The following CNIH3 variants were observed in gnomAD, a reference collection of about 807,000 sequenced individuals.
CNIH3 encodes protein cornichon homolog 3.
In CNIH3, 14 loss-of-function variants were observed where a neutral mutation model predicts 24.1. That is an observed-to-expected ratio of 0.58 (90% CI 0.38 to 0.91). The LOEUF (loss-of-function observed/expected upper bound fraction) is 0.91. Among genes scored for constraint, CNIH3 ranks in the 40% least tolerant of loss-of-function variants. The pLI is 0.00. For missense variants in CNIH3, 178 were observed against 196.8 expected (o/e 0.90, Z 0.57); for synonymous variants, 68 against 73.8 (o/e 0.92, Z 0.40).
Position 224,622,849 on chromosome 1 carries a change from C to T in CNIH3, c.81+5594C>T, listed in dbSNP as rs181406231. 8.9e-4 allele frequency among the ~76,000 whole-genome samples: 135 copies of T among 152,332 alleles called. 2 individuals carry two copies. In the East Asian group the frequency reaches 0.023, roughly 26 times the overall value. The stretch of plus-strand genomic sequence containing the variant: ...CCTTCTGTATATCCACATGGCTCTG[C>T]GCTTTGCCCTCTGGACTTGTTTTCT... On this transcript the variant is annotated intron_variant, in intron 1 of 5. Coordinates refer to ENST00000272133, the MANE Select transcript of CNIH3 (RefSeq NM_152495.2).
At chr1:224,468,840 A>G (rs6684704) in intron 1 of CNIH3, among the ~76,000 whole-genome samples, 123,805 of 149,140 alleles carry the variant, frequency 0.83, 51,770 homozygotes, top group East Asian at 0.97. Flanking sequence ...AAAAAAAAAA[A>G]AAAGAAAGAA....
intron 1 of CNIH3, among the ~76,000 whole-genome samples, chr1:224,647,621 G>C (rs1321953259): frequency 6.6e-6 from 1 of 152,238 alleles, no homozygotes. Flanking sequence ...GGGCCCTGTG[G>C]AGAAAGTGAA....
At chr1:224,531,993 G>A (rs1282809642) in intron 2 of CNIH3, among the ~76,000 whole-genome samples, 4 of 152,124 alleles carry the variant, frequency 2.6e-5, no homozygotes, top group African/African-American at 9.7e-5. Context: ...TCCATTGTGG[G>A]GCCTGTATTC....
chr1:224,605,379 C>T (rs180984565), intron 3 of CNIH3, among the ~76,000 whole-genome samples: 2 of 152,224 alleles, frequency 1.3e-5, no homozygotes, highest in African/African-American at 4.8e-5. Flanking sequence ...TCTAGCCCCA[C>T]AGGCTGGCTG....
At chr1:224,731,051 G>T (rs1381614155) in intron 4 of CNIH3, among the ~76,000 whole-genome samples, 1 of 152,176 alleles carries the variant, frequency 6.6e-6, no homozygotes, top group Admixed American at 6.5e-5. Context: ...TCCAGGAAAG[G>T]CAAATCTATA....
chr1:224,681,008 G>A lies in CNIH3; in HGVS notation c.132G>A (p.Gln44=). ...CAGATTTTAAGAGCCCCATAGACCAGTGCAATCCTGTTCATGCGGTAAGTG... is the reference window on the plus strand; with the variant it reads ...CAGATTTTAAGAGCCCCATAGACCAATGCAATCCTGTTCATGCGGTAAGTG... ...LRTDFKSPID[Q]CNPVHARERL... is the part of the protein sequence containing the mutation. The change falls in exon 2 of 6, where the codon CAG becomes CAA. Residue 44 remains glutamine, a synonymous_variant. Coordinates refer to ENST00000272133, the MANE Select transcript of CNIH3 (RefSeq NM_152495.2). The A allele has an allele frequency of 6.2e-7, 1 of 1,614,104 alleles. No individual in the cohort carries two copies. Among genetic ancestry groups the A allele is most frequent in the Non-Finnish European group, 8.5e-7 (1 of 1,179,938 alleles).
chr1:224,666,910 C>T (rs538936662), intron 1 of CNIH3, among the ~76,000 whole-genome samples: 31 of 152,202 alleles, frequency 2.0e-4, no homozygotes, highest in Non-Finnish European at 3.5e-4. Flanking sequence ...CATATGCCTG[C>T]TGAGATTGTG....
intron 1 of CNIH3, among the ~76,000 whole-genome samples, chr1:224,680,339 A>T (rs900876530): frequency 6.6e-6 from 1 of 152,116 alleles, no homozygotes. Context: ...TCCTCCAGGG[A>T]TATCGGGAAA....
chr1:224,570,964 A>C (rs1227979916), intron 4 of CNIH3, among the ~76,000 whole-genome samples: 3 of 151,558 alleles, frequency 2.0e-5, no homozygotes, highest in African/African-American at 7.3e-5. Context: ...GAATTTCCAC[A>C]CTGTGAGCAA....
chr1:224,555,125 C>A (rs909293064), intron 3 of CNIH3, among the ~76,000 whole-genome samples: 3 of 152,088 alleles, frequency 2.0e-5, no homozygotes, highest in Non-Finnish European at 4.4e-5. Flanking sequence ...GTTCCCCCAA[C>A]CTTTTGAAGT....
downstream of CNIH3, among the ~76,000 whole-genome samples, chr1:224,540,473 C>T (rs1679471006): frequency 6.6e-6 from 1 of 152,122 alleles, no homozygotes; most frequent in East Asian, 1.9e-4. Context: ...AAGTTTCATT[C>T]ATTTAAAAAA....
chr1:224,636,669 C>T (rs1242867383), intron 1 of CNIH3, among the ~76,000 whole-genome samples: 1 of 152,182 alleles, frequency 6.6e-6, no homozygotes, highest in Non-Finnish European at 1.5e-5. Context: ...TTGATCTTTA[C>T]AGCTGTGTGT....
At chr1:224,438,722 C>A (rs1674771797) in intron 1 of CNIH3, among the ~76,000 whole-genome samples, 1 of 152,112 alleles carries the variant, frequency 6.6e-6, no homozygotes, top group Non-Finnish European at 1.5e-5. Flanking sequence ...GAGCACAGTT[C>A]TTGGGCCAGA....
At chr1:224,654,309 G>T (rs1572665260) in intron 1 of CNIH3, among the ~76,000 whole-genome samples, 1 of 152,146 alleles carries the variant, frequency 6.6e-6, no homozygotes, top group Non-Finnish European at 1.5e-5. Context: ...CTTGAACCCG[G>T]GGGTGGAGGT....
chr1:224,578,093 C>A (rs12134248), intron 4 of CNIH3, among the ~76,000 whole-genome samples: 1 of 151,646 alleles, frequency 6.6e-6, no homozygotes, highest in Non-Finnish European at 1.5e-5. Context: ...AAGGGTGGAC[C>A]AAAATCTCAG....
intron 2 of CNIH3, among the ~76,000 whole-genome samples, chr1:224,528,364 A>G (rs1274890593): frequency 6.6e-6 from 1 of 152,132 alleles, no homozygotes; most frequent in East Asian, 1.9e-4. Context: ...TATATTGTAC[A>G]GGTTGGAGTG....
chr1:224,435,545 C>T (rs1440424015), intron 1 of CNIH3, among the ~76,000 whole-genome samples: 1 of 152,194 alleles, frequency 6.6e-6, no homozygotes, highest in East Asian at 1.9e-4. Context: ...TGCCCAGCAC[C>T]TCCTTCTCTC....
chr1:224,554,775 T>C (rs1024496504), intron 3 of CNIH3, among the ~76,000 whole-genome samples: 3 of 152,038 alleles, frequency 2.0e-5, no homozygotes, highest in Admixed American at 6.6e-5. Context: ...TTTGTAGAGA[T>C]GGGGTCTCAC....
chr1:224,627,504 G>A (rs139572562), intron 1 of CNIH3, among the ~76,000 whole-genome samples: 3,273 of 152,258 alleles, frequency 0.021, 113 homozygotes, highest in African/African-American at 0.071. Flanking sequence ...GATTACAGGC[G>A]TGAGCCACCG....
Sources: gnomAD v4.1 joint callset for allele counts (sites outside exome capture counted in the v4.1 genomes callset) on GRCh38, gnomAD v4.1.1 for gene constraint, MANE v1.5 for transcripts, NCBI Gene and HGNC (gene_info 2026-07-23, HGNC 2026-07-21) for gene names.